AP3B1: variants seen among roughly 807,000 people sequenced by gnomAD.
AP3B1 encodes the protein adaptor related protein complex 3 subunit beta 1, also known as AP-3 complex subunit beta-1.
A neutral mutation model predicts 132.5 loss-of-function variants in AP3B1; 61 were observed. That is an observed-to-expected ratio of 0.46 (90% CI 0.37 to 0.57). The LOEUF is 0.57. Among genes scored for constraint, AP3B1 ranks in the 20% least tolerant of loss-of-function variants. The pLI is 0.00. For synonymous variants in AP3B1, 388 were observed against 438.3 expected (o/e 0.89, Z 1.43); for missense variants, 1,120 against 1,289.4 (o/e 0.87, Z 2.01).
chr5:78,156,790 A>G (rs978296896), intron 13 of AP3B1, among the ~76,000 whole-genome samples: 1 of 152,220 alleles, frequency 6.6e-6, no homozygotes, highest in Non-Finnish European at 1.5e-5. Flanking sequence ...TGCAGAAAAC[A>G]GCAAACTAAA....
rs545345415 is a variant in AP3B1, at chr5:78,161,355, T to C, written c.1363+1464A>G. On this transcript the variant is annotated intron_variant, in intron 13 of 26. Transcript: ENST00000255194. ...ATGAACTAATCAGTGTTCTAACTAA[T>C]TTCCGGTGCTTTCTGTATGTAACTA... is the stretch of plus-strand genomic sequence containing the variant. Among the ~76,000 whole-genome samples the C allele has an allele frequency of 3.0e-3, 455 of 152,138 alleles. 3 individuals are homozygous for C. Among genetic ancestry groups the C allele is most frequent in the Non-Finnish European group, 3.7e-3 (251 of 67,866 alleles).
At chr5:78,007,803 T>C (rs1010822202) in intron 26 of AP3B1, among the ~76,000 whole-genome samples, 1 of 152,202 alleles carries the variant, frequency 6.6e-6, no homozygotes, top group African/African-American at 2.4e-5. Context: ...ATTTTAAAGT[T>C]AAACCATTAC....
chr5:78,144,032 C>T lies in AP3B1; in HGVS notation c.1474-2713G>A, dbSNP rs373787379. 1.4e-4 allele frequency among the ~76,000 whole-genome samples: 21 copies of T among 152,108 alleles called. 4 individuals are homozygous for T. Among genetic ancestry groups the T allele is most frequent in the East Asian group, 1.2e-3 (6 of 5,186 alleles). On this transcript the variant is annotated intron_variant, in intron 14 of 26. Coordinates refer to ENST00000255194, the MANE Select transcript of AP3B1 (RefSeq NM_003664.5). ...AAAAAAAAGAAAAGTAAATTAGTCA[C>T]TTTTTGTTCCCCATGGTCTTTTTAA... is the stretch of plus-strand genomic sequence containing the variant.
chr5:78,124,873 G>A (rs537279464), intron 17 of AP3B1, among the ~76,000 whole-genome samples: 98 of 152,066 alleles, frequency 6.4e-4, no homozygotes, highest in African/African-American at 2.3e-3. Flanking sequence ...CAACAATTTC[G>A]GAAAACCAGA....
At chr5:78,109,820 T>A (rs544092003) in intron 20 of AP3B1, among the ~76,000 whole-genome samples, 1 of 152,306 alleles carries the variant, frequency 6.6e-6, no homozygotes, top group Non-Finnish European at 1.5e-5. Context: ...GTATACTCTT[T>A]AATTGAAGCC....
At position 78,034,463 on chromosome 5, in the gene AP3B1, T is replaced by G. The variant is rs1747714322; in HGVS notation, c.2810-18A>C. Reference sequence around the variant, plus strand: ...AAGAGAGTCTAGGAAATAAGATAATTTAGACATGAAAACACAGAGGATGTG... The same window carrying G: ...AAGAGAGTCTAGGAAATAAGATAATGTAGACATGAAAACACAGAGGATGTG... On this transcript the variant is annotated intron_variant, in intron 23 of 26. Transcript: ENST00000255194. 1 of 1,573,036 alleles carries G rather than the reference T, an allele frequency of 6.4e-7. No individual in the cohort carries two copies. The highest frequency in any genetic ancestry group is 1.4e-5 in the African/African-American group (1 of 74,008).
intron 11 of AP3B1, among the ~76,000 whole-genome samples, chr5:78,172,509 T>C (rs1427155445): frequency 6.6e-6 from 1 of 152,246 alleles, no homozygotes; most frequent in African/African-American, 2.4e-5. Flanking sequence ...CTAGATTTTC[T>C]AGTTGATTTG....
At chr5:78,165,966 T>G (rs1384483096) in intron 11 of AP3B1, among the ~76,000 whole-genome samples, 1 of 151,888 alleles carries the variant, frequency 6.6e-6, no homozygotes, top group African/African-American at 2.4e-5. Context: ...TAATTCCAGC[T>G]ACTTGGGAGG....
At position 78,141,273 on chromosome 5, in the gene AP3B1, C is replaced by T; in HGVS notation, c.1520G>A (p.Cys507Tyr). ...AGGGGCAATTTTAGGAACTCGTTCA[C>T]AGTTTTCTCCAATTAGCCAAAGAAT... is the stretch of plus-strand genomic sequence containing the variant. ...ASILWLIGEN[C>Y]ERVPKIAPDV... Residue 507 changes from cysteine (C) to tyrosine (Y), a missense_variant, in exon 15 of 27, where the codon TGT (cysteine) becomes TAT (tyrosine). Coordinates refer to ENST00000255194, the MANE Select transcript of AP3B1 (RefSeq NM_003664.5). 6.2e-7 allele frequency: 1 copy of T among 1,613,678 alleles called. No homozygotes were observed. The highest frequency in any genetic ancestry group is 1.6e-4 in the Middle Eastern group (1 of 6,062).
chr5:78,096,705 A>G (rs533718216), intron 21 of AP3B1, among the ~76,000 whole-genome samples: 2 of 144,844 alleles, frequency 1.4e-5, no homozygotes, highest in South Asian at 2.2e-4. Flanking sequence ...CAGCCGCCCC[A>G]TCTGAGAAGG....
chr5:78,034,012 T>C (rs1747693503), intron 24 of AP3B1, among the ~76,000 whole-genome samples: 1 of 151,970 alleles, frequency 6.6e-6, no homozygotes, highest in Non-Finnish European at 1.5e-5. Context: ...ATATTATTAA[T>C]GCTTTTAATT....
chr5:78,229,726 A>G (rs1746562302), intron 3 of AP3B1, among the ~76,000 whole-genome samples: 1 of 152,112 alleles, frequency 6.6e-6, no homozygotes, highest in African/African-American at 2.4e-5. Context: ...GCAACTGGAA[A>G]GAGACTCTGT....
intron 2 of AP3B1, among the ~76,000 whole-genome samples, chr5:78,250,630 A>G (rs1438883344): frequency 6.6e-6 from 1 of 152,182 alleles, no homozygotes; most frequent in Non-Finnish European, 1.5e-5. Context: ...CAGGGCATAT[A>G]AAAACATTCC....
chr5:78,161,221 A>G (rs754323772), intron 13 of AP3B1, among the ~76,000 whole-genome samples: 3 of 152,016 alleles, frequency 2.0e-5, no homozygotes, highest in Non-Finnish European at 2.9e-5. Context: ...TTGAGAAATT[A>G]AATCTGAAGC....
intron 7 of AP3B1, among the ~76,000 whole-genome samples, chr5:78,196,893 T>C (rs891356207): frequency 2.4e-4 from 37 of 152,154 alleles, no homozygotes; most frequent in African/African-American, 8.9e-4. Context: ...AAGTAGAGCA[T>C]AGAGAATTTT....
intron 22 of AP3B1, among the ~76,000 whole-genome samples, chr5:78,053,165 C>T (rs531361305): frequency 6.6e-6 from 1 of 152,300 alleles, no homozygotes; most frequent in South Asian, 2.1e-4. Context: ...TGTCTTCTCC[C>T]ATTATAACCA....
intron 24 of AP3B1, among the ~76,000 whole-genome samples, chr5:78,033,277 A>C (rs1747654457): frequency 6.6e-6 from 1 of 152,052 alleles, no homozygotes; most frequent in Non-Finnish European, 1.5e-5. Flanking sequence ...ATTACTAGGC[A>C]ATGTTGGGAA....
rs71634917 is a variant in AP3B1 at position 78,194,399 on chromosome 5, C to T, written c.787-12737G>A. Reference sequence around the variant, plus strand: ...AAATCAATTATTATACATGTTGTTTCTATTGAGCCTACAGAAATGAGGCAT... The same window carrying T: ...AAATCAATTATTATACATGTTGTTTTTATTGAGCCTACAGAAATGAGGCAT... On this transcript the variant is annotated intron_variant, in intron 7 of 26. Coordinates refer to ENST00000255194, the MANE Select transcript of AP3B1 (RefSeq NM_003664.5). Among the ~76,000 whole-genome samples, 356 of 152,218 alleles carry T rather than the reference C, an allele frequency of 2.3e-3. 3 individuals are homozygous for T. The highest frequency in any genetic ancestry group is 3.9e-3 in the Non-Finnish European group (265 of 68,000).
chr5:78,279,907 A>AATATATATATATATAT (rs55881507), intron 1 of AP3B1, among the ~76,000 whole-genome samples: 11 of 114,358 alleles, frequency 9.6e-5, no homozygotes, highest in African/African-American at 3.2e-4. Context: ...ATATGACTTA[A>AATATATATATATATAT]ATATATATAT....
Sources: allele counts gnomAD v4.1 joint callset (sites outside exome capture counted in the v4.1 genomes callset), GRCh38; gene constraint gnomAD v4.1.1; transcripts MANE v1.5; gene names NCBI Gene and HGNC (gene_info 2026-07-23, HGNC 2026-07-21).